The following MALRD1 variants were observed in gnomAD, a reference collection of about 807,000 sequenced individuals.
MALRD1 encodes the protein MAM and LDL-receptor class A domain-containing protein 1.
Under a neutral mutation model 242.1 loss-of-function variants are expected in MALRD1, and 247 were observed. The ratio of observed to expected loss-of-function variants is 1.02; its 90% CI spans 0.92 to 1.13. The LOEUF (loss-of-function observed/expected upper bound fraction) is 1.13, where lower values mean the gene tolerates loss of function less well. Among genes scored for constraint, MALRD1 ranks in the 50% most tolerant of loss-of-function variants. The pLI, the probability that MALRD1 is intolerant of heterozygous loss-of-function variation, is 0.00. For synonymous variants in MALRD1, 995 were observed against 866.6 expected (o/e 1.15, Z -2.60); for missense variants, 2,989 against 2,533.1 (o/e 1.18, Z -3.86).
intron 33 of MALRD1, among the ~76,000 whole-genome samples, chr10:19,568,935 G>A (rs1249709491): frequency 6.6e-6 from 1 of 152,006 alleles, no homozygotes; most frequent in Non-Finnish European, 1.5e-5. Flanking sequence ...CACCTCTGTA[G>A]ATTCTAGATA....
At chr10:19,248,300 GTGTT>G (rs2131774532) in intron 18 of MALRD1, among the ~76,000 whole-genome samples, 1 of 151,468 alleles carries the variant, frequency 6.6e-6, no homozygotes, top group Non-Finnish European at 1.5e-5. Flanking sequence ...ATTGAAAAAA[GTGTT>G]TATTTTGGGA....
chr10:19,266,633 C>T (rs1045535506), intron 19 of MALRD1, among the ~76,000 whole-genome samples: 7 of 151,690 alleles, frequency 4.6e-5, no homozygotes, highest in South Asian at 2.1e-4. Flanking sequence ...TCACTTATAA[C>T]TCTAAATACT....
At chr10:19,280,402 T>G (rs1206021230) in intron 20 of MALRD1, among the ~76,000 whole-genome samples, 179 bp downstream of exon 20, 5 of 152,202 alleles carry the variant, frequency 3.3e-5, no homozygotes, top group Non-Finnish European at 5.9e-5. Context: ...ATGCATTTTC[T>G]GCCAGGCCCC....
chr10:19,171,042 G>A (rs1834899567), intron 13 of MALRD1, among the ~76,000 whole-genome samples: 1 of 151,784 alleles, frequency 6.6e-6, no homozygotes, highest in Non-Finnish European at 1.5e-5. Flanking sequence ...TTGAAAACAA[G>A]ATTTCTATGT....
At chr10:19,321,782 C>T (rs55805419) in intron 21 of MALRD1, among the ~76,000 whole-genome samples, 1 of 152,052 alleles carries the variant, frequency 6.6e-6, no homozygotes, top group African/African-American at 2.4e-5. Flanking sequence ...TTCCTTCTTG[C>T]TCCCACTTCC....
intron 7 of MALRD1, among the ~76,000 whole-genome samples, chr10:19,125,333 C>T (rs1481706959): frequency 1.5e-5 from 1 of 68,708 alleles, no homozygotes; most frequent in Non-Finnish European, 2.8e-5. Flanking sequence ...TTCTTTCTTT[C>T]TTTCTTTCTT....
At chr10:19,143,122 T>G (rs142114424) in intron 10 of MALRD1, among the ~76,000 whole-genome samples, 108 of 152,326 alleles carry the variant, frequency 7.1e-4, no homozygotes, top group Non-Finnish European at 1.3e-3. Flanking sequence ...TGTTTAGCAT[T>G]CTGTAAAAAG....
At chr10:19,330,379 A>G (rs1307881507) in intron 23 of MALRD1, among the ~76,000 whole-genome samples, 5 of 152,136 alleles carry the variant, frequency 3.3e-5, no homozygotes, top group South Asian at 2.1e-4. Flanking sequence ...TCTTTTAAGA[A>G]AAATAATTGT....
chr10:19,586,838 T>C (rs1260712477), intron 33 of MALRD1, among the ~76,000 whole-genome samples: 2 of 152,222 alleles, frequency 1.3e-5, no homozygotes, highest in African/African-American at 4.8e-5. Flanking sequence ...GCTGCCGCCT[T>C]GCAGTTTGAT....
chr10:19,238,417 A>T lies in MALRD1; in HGVS notation c.2992-19267A>T, dbSNP rs1345169893. ...ATGTTATATATTATGTATAATATATAATATACATTATATATAATATATAAT... is the reference window on the plus strand; with the variant it reads ...ATGTTATATATTATGTATAATATATTATATACATTATATATAATATATAAT... On this transcript the variant is annotated intron_variant, in intron 18 of 39. Transcript: ENST00000454679. Among the ~76,000 whole-genome samples the T allele has an allele frequency of 2.7e-4, 20 of 74,198 alleles. 1 individual carries two copies. Among genetic ancestry groups the T allele is most frequent in the African/African-American group, 1.1e-3 (19 of 16,742 alleles). 48.7% of individuals were successfully genotyped at this position (74,198 alleles called of 152,430 possible).
At chr10:19,282,430 C>T (rs1273382350) in intron 20 of MALRD1, among the ~76,000 whole-genome samples, 4 of 152,106 alleles carry the variant, frequency 2.6e-5, no homozygotes, top group Admixed American at 1.3e-4. Flanking sequence ...CTTTTTTATT[C>T]AGCAGTGGAA....
chr10:19,723,683 A>G (rs1443329460), intron 38 of MALRD1, among the ~76,000 whole-genome samples: 2 of 151,544 alleles, frequency 1.3e-5, no homozygotes, highest in African/African-American at 4.9e-5. Context: ...TCAAGGCTGC[A>G]GTGAGCTATG....
intron 29 of MALRD1, among the ~76,000 whole-genome samples, chr10:19,452,832 A>T (rs971830855): frequency 6.6e-6 from 1 of 152,216 alleles, no homozygotes; most frequent in African/African-American, 2.4e-5. Flanking sequence ...GCACTTTATC[A>T]TAGTGGTTAA....
intron 31 of MALRD1, among the ~76,000 whole-genome samples, chr10:19,521,401 C>T (rs1336070797): frequency 6.6e-6 from 1 of 152,020 alleles, no homozygotes; most frequent in African/African-American, 2.4e-5. Flanking sequence ...CAAAAAAAGA[C>T]AAAATGAAAT....
chr10:19,106,841 T>G (rs1445007714), intron 5 of MALRD1, among the ~76,000 whole-genome samples: 1 of 151,968 alleles, frequency 6.6e-6, no homozygotes, highest in Non-Finnish European at 1.5e-5. Context: ...CCATCTTTAT[T>G]TGTCTCAAGG....
chr10:19,338,060 C>CAAGAAAA (rs1843686977), intron 24 of MALRD1, among the ~76,000 whole-genome samples: 1 of 138,040 alleles, frequency 7.2e-6, no homozygotes, highest in African/African-American at 2.7e-5. Context: ...GATTCTGTCT[C>CAAGAAAA]AAAAAAAAAA....
chr10:19,482,023 T>C (rs963991408), intron 29 of MALRD1, among the ~76,000 whole-genome samples: 6 of 151,986 alleles, frequency 3.9e-5, no homozygotes, highest in Admixed American at 1.3e-4. Flanking sequence ...CATGAATAAA[T>C]GGAAGGTTCT....
intron 31 of MALRD1, among the ~76,000 whole-genome samples, chr10:19,523,278 G>T (rs1022926897): frequency 2.6e-5 from 4 of 152,100 alleles, no homozygotes; most frequent in Non-Finnish European, 4.4e-5. Context: ...CTACAGTTCT[G>T]CCCATTACAT....
chr10:19,297,591 C>T (rs1841767447), intron 21 of MALRD1, among the ~76,000 whole-genome samples: 1 of 151,640 alleles, frequency 6.6e-6, no homozygotes, highest in East Asian at 1.9e-4. Flanking sequence ...AATGTATAAA[C>T]TATATTTATA....
Sources: allele counts gnomAD v4.1 joint callset (sites outside exome capture counted in the v4.1 genomes callset), GRCh38; gene constraint gnomAD v4.1.1; transcripts MANE v1.5; gene names NCBI Gene and HGNC (gene_info 2026-07-23, HGNC 2026-07-21).